INTS11: variants seen among roughly 807,000 people sequenced by gnomAD.
INTS11 encodes the protein integrator complex subunit 11, also known as CPSF3-like protein.
INTS11 carries 77 observed loss-of-function variants against 78.6 expected under a neutral mutation model. The ratio of observed to expected loss-of-function variants is 0.98; its 90% CI spans 0.81 to 1.18. The LOEUF (loss-of-function observed/expected upper bound fraction) is 1.18. INTS11 is among the 50% of genes most tolerant of loss of function. The pLI, the probability that INTS11 is intolerant of heterozygous loss-of-function variation, is 0.00. For missense variants in INTS11, 875 were observed against 825.9 expected, an observed-to-expected ratio of 1.06 and a Z score of -0.73; for synonymous variants, 441 against 326.9, an observed-to-expected ratio of 1.35 and a Z score of -3.77.
chr1:1,314,788 G>T lies in INTS11; in HGVS notation c.702+36C>A, dbSNP rs768598338. On this transcript the variant is annotated intron_variant, in intron 7 of 16. Coordinates refer to ENST00000435064, the MANE Select transcript of INTS11 (RefSeq NM_017871.6). The surrounding 1 kb of genome is among the most constrained non-coding windows in gnomAD (Gnocchi z 4.2). ...CTGCCAGAAAGACCAGCCCAGCATGGCCGAGGGCCCATGTCCCCACCCCTG... is the reference window on the plus strand; with the variant it reads ...CTGCCAGAAAGACCAGCCCAGCATGTCCGAGGGCCCATGTCCCCACCCCTG... The T allele has an allele frequency of 1.9e-6, 3 of 1,593,554 alleles. No individual in the cohort carries two copies. Among genetic ancestry groups the T allele is most frequent in the African/African-American group, 2.7e-5 (2 of 74,656 alleles).
At chr1:1,317,412 A>G (rs1047505937) in intron 4 of INTS11, 2 of 946,426 alleles carry the variant, frequency 2.1e-6, no homozygotes, top group Non-Finnish European at 2.5e-6. Flanking sequence ...AAAAGAAAAA[A>G]AAAAAGAATT....
intron 15 of INTS11, 27 bp downstream of exon 15, chr1:1,312,199 G>GGGGGA: frequency 9.3e-7 from 1 of 1,075,098 alleles, no homozygotes; most frequent in Non-Finnish European, 1.2e-6. Context: ...CCAAGGGAGT[G>GGGGGA]GGGGGGGGGC....
intron 1 of INTS11, chr1:1,322,920 C>T (rs947625962): frequency 1.7e-5 from 23 of 1,332,000 alleles, no homozygotes; most frequent in Non-Finnish European, 2.0e-5. Context: ...GAGAATATAC[C>T]CAGGTACAGA....
chr1:1,313,211 G>A lies in INTS11; in HGVS notation c.1042-87C>T, dbSNP rs1642347564. 2.8e-6 allele frequency: 4 copies of A among 1,447,326 alleles called. No homozygotes were observed. In the Middle Eastern group the frequency reaches 5.5e-4, roughly 200 times the overall value. 89.7% of individuals were successfully genotyped at this position (1,447,326 alleles called of 1,614,324 possible). On this transcript the variant is annotated intron_variant, in intron 10 of 16. Transcript: ENST00000435064. ...CCGGGATGCCCCCGCCTGAACCCCT[G>A]GAAGCTGTTTCCACCTGCCAGCGGC...
Position 1,312,814 on chromosome 1 carries a change from G to A in INTS11, c.1267C>T (p.Leu423=), listed in dbSNP as rs1642310277. The A allele has an allele frequency of 6.2e-7, 1 of 1,610,672 alleles. No homozygotes were observed. Among genetic ancestry groups the A allele is most frequent in the South Asian group, 1.1e-5 (1 of 91,070 alleles). ...AGCTCCTGCTCGATCTTCTGCTTCA[G>A]GAACTCCATCTTCTTGGCCTCGCCA... The part of the protein sequence containing the change: ...VHGEAKKMEF[L]KQKIEQELRV... The change falls in exon 12 of 17, where the codon CTG becomes TTG. Residue 423 remains leucine, a synonymous_variant. Transcript: ENST00000435064.
intron 3 of INTS11, chr1:1,320,053 GC>G (rs1642853404): frequency 4.5e-6 from 1 of 223,622 alleles, no homozygotes; most frequent in Non-Finnish European, 9.0e-6. Context: ...AGGGCAGGGG[GC>G]CAGCAGGAGT....
In INTS11 at chr1:1,315,600, T is replaced by A; in HGVS notation, c.448A>T (p.Ile150Phe). Residue 150 changes from isoleucine to phenylalanine, a missense_variant, in exon 5 of 17, where the codon ATC (isoleucine) becomes TTC (phenylalanine). Transcript: ENST00000435064. ...QTVQVDDELE[I>F]KAYYAGHVLG... ...ACGTGGCCTGCATAGTAGGCCTTGA[T>A]CTCCAGCTCATCATCTACCTGTGGA... 1 of 1,609,406 alleles carries A rather than the reference T, an allele frequency of 6.2e-7. No individual in the cohort carries two copies.
At chr1:1,322,622 G>C (rs1643015939) in intron 1 of INTS11, 1 of 124,462 alleles carries the variant, frequency 8.0e-6, no homozygotes, top group African/African-American at 3.2e-5. Context: ...GGGGCGGGCG[G>C]AGGGAGGACA....
Position 1,312,041 on chromosome 1 carries a change from G to T in INTS11, c.1714C>A (p.Leu572Met). The change falls in exon 16 of 17, where the codon CTG (leucine) becomes ATG (methionine). Residue 572 changes from leucine (L) to methionine (M), a missense_variant. Transcript: ENST00000435064. ...APSEDPGTKV[L>M]LVSWTYQDEE... ...ACCTGGTAGGTCCAGGAGACCAGCA[G>T]CACCTTGGTGCCTGGGTCCTCAGAA... The T allele has an allele frequency of 6.4e-7, 1 of 1,573,312 alleles. No individual in the cohort carries two copies. Among genetic ancestry groups the T allele is most frequent in the South Asian group, 1.2e-5 (1 of 86,654 alleles).
intron 1 of INTS11, chr1:1,321,912 C>G: frequency 7.4e-7 from 1 of 1,352,708 alleles, no homozygotes; most frequent in Non-Finnish European, 9.6e-7. Flanking sequence ...ACCCACCTCC[C>G]CCTGCCAGCC....
In INTS11 at chr1:1,321,202, G is replaced by A. The variant is rs570205562; in HGVS notation, c.29-109C>T. 80 of 810,920 alleles carry A rather than the reference G, an allele frequency of 9.9e-5. No individual in the cohort carries two copies. In the African/African-American group the frequency reaches 1.0e-3, roughly 10 times the overall value. 50.2% of individuals were successfully genotyped at this position (810,920 alleles called of 1,614,324 possible). On this transcript the variant is annotated intron_variant, in intron 1 of 16. Transcript: ENST00000435064. ...CTGAGGAAACCGGACCAAGTCTGCT[G>A]TGTGGACAGACACATGGGCCAAGAA... is the stretch of plus-strand genomic sequence containing the variant.
At chr1:1,315,286 G>T (rs528775436) in intron 6 of INTS11, 118 bp downstream of exon 6, 5 of 1,273,002 alleles carry the variant, frequency 3.9e-6, no homozygotes, top group Middle Eastern at 2.5e-4. Flanking sequence ...TCTCCAGGCC[G>T]CACAGGACAT....
intron 1 of INTS11, chr1:1,323,147 C>T (rs140361978): frequency 0.026 from 39,568 of 1,548,856 alleles, 581 homozygotes; most frequent in Non-Finnish European, 0.029. Context: ...GTGTCCACAC[C>T]GGGGCGGGGG....
chr1:1,315,650 T>C lies in INTS11; in HGVS notation c.430-32A>G, dbSNP rs779477212. 3 of 1,489,184 alleles carry C rather than the reference T, an allele frequency of 2.0e-6. No individual in the cohort carries two copies. In the East Asian group the frequency reaches 7.4e-5, roughly 37 times the overall value. The allele number at this position is 1,489,184 out of a possible 1,614,324, so 92.2% of individuals were successfully genotyped here. ...AGGACAGGGCTGCGCTCAGGCTGTG[T>C]CCTCACAGCAGAGGGGCGGGGAGTG... On this transcript the variant is annotated intron_variant, in intron 4 of 16. Coordinates refer to ENST00000435064, the MANE Select transcript of INTS11 (RefSeq NM_017871.6).
chr1:1,315,668 G>T, intron 4 of INTS11, 50 bp from the exon 5 acceptor site: 1 of 1,312,264 alleles, frequency 7.6e-7, no homozygotes. Context: ...GCAGAGGGGC[G>T]GGGAGTGAGG....
intron 10 of INTS11, 170 bp downstream of exon 10, chr1:1,313,339 C>G (rs879715121): frequency 1.0e-4 from 90 of 898,580 alleles, no homozygotes; most frequent in Middle Eastern, 2.6e-4. Flanking sequence ...CAAGCTGTGT[C>G]ACAGAGACTG....
intron 3 of INTS11, 181 bp from the exon 4 acceptor site, chr1:1,319,705 T>C: frequency 1.7e-6 from 1 of 582,508 alleles, no homozygotes; most frequent in Non-Finnish European, 3.0e-6. Context: ...AGTCTCAAAG[T>C]CTAGCAAGGC....
At position 1,312,270 on chromosome 1, in the gene INTS11, G is replaced by A. The variant is rs1642247801; in HGVS notation, c.1563C>T (p.Arg521=). 2.6e-6 allele frequency: 4 copies of A among 1,547,860 alleles called. No individual in the cohort carries two copies. The highest frequency in any genetic ancestry group is 2.6e-6 in the Non-Finnish European group (3 of 1,146,478). ...FTCRVHLHDT[R]KEQETALRVY... ...CGCGCAATGCCGTCTCCTGCTCCTTGCGTGTGTCATGCAGGTGCACGCGGC... is the reference window on the plus strand; with the variant it reads ...CGCGCAATGCCGTCTCCTGCTCCTTACGTGTGTCATGCAGGTGCACGCGGC... Residue 521 remains arginine, a synonymous_variant, in exon 15 of 17, where the codon CGC becomes CGT. Transcript: ENST00000435064.
At position 1,313,591 on chromosome 1, in the gene INTS11, A is replaced by G; in HGVS notation, c.959T>C (p.Val320Ala). The change falls in exon 10 of 17, where the codon GTT becomes GCT. Residue 320 changes from valine (V) to alanine (A), a missense_variant and splice_region_variant. Transcript: ENST00000435064. ...RAFADNPGPM[V>A]VFATPGMLHA... is the part of the protein sequence containing the mutation. ...CAGCATTCCTGGCGTGGCAAACACAACCTACAGGACACACAGGGCCAGGTG... is the reference window on the plus strand; with the variant it reads ...CAGCATTCCTGGCGTGGCAAACACAGCCTACAGGACACACAGGGCCAGGTG... 1 of 1,612,872 alleles carries G rather than the reference A, an allele frequency of 6.2e-7. No individual in the cohort carries two copies. Among genetic ancestry groups the G allele is most frequent in the Non-Finnish European group, 8.5e-7 (1 of 1,179,990 alleles).
Sources: allele counts gnomAD v4.1 joint callset, GRCh38; gene constraint gnomAD v4.1.1; non-coding constraint Gnocchi (gnomAD v3.1); transcripts MANE v1.5; gene names NCBI Gene and HGNC (gene_info 2026-07-23, HGNC 2026-07-21).